Variants in TTPA observed in about 807,000 individuals in gnomAD.
TTPA encodes the protein alpha tocopherol transfer protein.
TTPA carries 23 observed loss-of-function variants against 25.9 expected under a neutral mutation model. The observed-to-expected ratio is 0.89, with a 90% CI of 0.64 to 1.26. The LOEUF (loss-of-function observed/expected upper bound fraction) is 1.26. TTPA is among the 50% of genes most tolerant of loss of function. The pLI, the probability that TTPA is intolerant of heterozygous loss-of-function variation, is 0.00. For missense variants in TTPA, 337 were observed against 353.1 expected (o/e 0.95, Z 0.37); for synonymous variants, 148 against 137.3 (o/e 1.08, Z -0.54).
chr8:63,078,530 T>C (rs1270949679), intron 1 of TTPA, among the ~76,000 whole-genome samples: 1 of 152,120 alleles, frequency 6.6e-6, no homozygotes, highest in African/African-American at 2.4e-5. Context: ...CACAAGAACT[T>C]TGTGATGCAC....
intron 1 of TTPA, among the ~76,000 whole-genome samples, chr8:63,082,725 A>T (rs540704837): frequency 2.7e-4 from 41 of 152,300 alleles, no homozygotes; most frequent in African/African-American, 9.9e-4. Context: ...ATGGGAGAAA[A>T]TTTTTGCAAT....
intron 1 of TTPA, among the ~76,000 whole-genome samples, chr8:63,084,634 T>C (rs59501260): frequency 0.017 from 2,597 of 152,316 alleles, 80 homozygotes; most frequent in African/African-American, 0.059. Flanking sequence ...GTGCAACCTC[T>C]GGCTGTTTAA....
chr8:63,072,209 T>C (rs7821895), intron 2 of TTPA, among the ~76,000 whole-genome samples: 10,229 of 152,096 alleles, frequency 0.067, 631 homozygotes, highest in African/African-American at 0.16. Flanking sequence ...GCAAACAGAG[T>C]AGATGAAATC....
chr8:63,068,451 G>C (rs1052949427), intron 2 of TTPA, among the ~76,000 whole-genome samples: 20 of 152,186 alleles, frequency 1.3e-4, no homozygotes, highest in African/African-American at 4.8e-4. Context: ...AGTGAAATAG[G>C]ACTAAATATG....
chr8:63,064,975 C>T (rs1277045314), intron 3 of TTPA, among the ~76,000 whole-genome samples: 1 of 152,114 alleles, frequency 6.6e-6, no homozygotes, highest in East Asian at 1.9e-4. Flanking sequence ...TTCTTTTAAA[C>T]ATAATTGCTA....
chr8:63,071,804 C>T (rs1334466575), intron 2 of TTPA, among the ~76,000 whole-genome samples: 1 of 152,158 alleles, frequency 6.6e-6, no homozygotes, highest in African/African-American at 2.4e-5. Context: ...AGCAGGCCCT[C>T]ACCAAACACC....
At chr8:63,078,580 G>C (rs780196481) in intron 1 of TTPA, among the ~76,000 whole-genome samples, 11 of 152,162 alleles carry the variant, frequency 7.2e-5, no homozygotes, top group Non-Finnish European at 1.5e-4. Context: ...GTGGAAAGAA[G>C]GGTATCAGTG....
At position 63,086,023 on chromosome 8, in the gene TTPA, C is replaced by A; in HGVS notation, c.-2G>T. The A allele has an allele frequency of 7.0e-7, 1 of 1,422,800 alleles. No homozygotes were observed. The highest frequency in any genetic ancestry group is 9.2e-7 in the Non-Finnish European group (1 of 1,090,020). The allele number at this position is 1,422,800 out of a possible 1,614,324, so 88.1% of individuals were successfully genotyped here. ...GGGCTGGGATCGCGCCTCTGCCATG[C>A]CCGCCGCCGCTGCTGCGGCCGCAGC... On this transcript the variant is annotated 5_prime_UTR_variant, in exon 1 of 5. Transcript: ENST00000260116.
intron 1 of TTPA, among the ~76,000 whole-genome samples, chr8:63,074,755 G>T (rs1304400512): frequency 6.6e-6 from 1 of 152,150 alleles, no homozygotes; most frequent in African/African-American, 2.4e-5. Context: ...GCTGGAAGCT[G>T]CACATTAGTA....
In TTPA at chr8:63,061,444, TTTAGAAGGAAACCGCA is replaced by T. The variant is rs746629810; in HGVS notation, c.664-35_664-20del. 1 of 1,613,038 alleles carries T rather than the reference TTTAGAAGGAAACCGCA, an allele frequency of 6.2e-7. No homozygotes were observed. Among genetic ancestry groups the T allele is most frequent in the African/African-American group, 1.3e-5 (1 of 75,034 alleles). On this transcript the variant is annotated intron_variant, in intron 4 of 4. Transcript: ENST00000260116. ...TGTGAATCTGAAATAGCCAAAACAC[TTTAGAAGGAAACCGCA>T]TTAGATGCATTTCCAGTGGAAAATC...
chr8:63,064,637 T>G (rs1406070390), intron 3 of TTPA, among the ~76,000 whole-genome samples: 1 of 152,182 alleles, frequency 6.6e-6, no homozygotes, highest in African/African-American at 2.4e-5. Context: ...ATTTGGAAAT[T>G]TATATTTAAC....
At position 63,061,082 on chromosome 8, in the gene TTPA, T is replaced by TA; in HGVS notation, c.*169dup. 1.5e-6 allele frequency: 1 copy of TA among 670,594 alleles called. No individual in the cohort carries two copies. The highest frequency in any genetic ancestry group is 2.5e-6 in the Non-Finnish European group (1 of 402,530). The allele number at this position is 670,594 out of a possible 1,614,324, so 41.5% of individuals were successfully genotyped here. A position where few individuals can be genotyped will look rare whatever the true frequency, so the allele number is the denominator to read the frequency against. ...AGTAGAGAAAAAAGCATTTAAAAAG[T>TA]AAAAAATCTTTCCAAACACCTGTGT... On this transcript the variant is annotated 3_prime_UTR_variant, in exon 5 of 5. Transcript: ENST00000260116.
At chr8:63,062,507 T>C (rs1428618292) in intron 4 of TTPA, among the ~76,000 whole-genome samples, 3 of 152,186 alleles carry the variant, frequency 2.0e-5, no homozygotes, top group African/African-American at 7.2e-5. Context: ...ACAAAGCCAA[T>C]CTTTAATTTT....
intron 2 of TTPA, 90 bp from the exon 3 acceptor site, chr8:63,066,187 G>T: frequency 7.7e-7 from 1 of 1,303,950 alleles, no homozygotes; most frequent in Non-Finnish European, 1.1e-6. Flanking sequence ...ATTCTTAAAA[G>T]ATCAGTTGAA....
At chr8:63,065,130 TAAAC>T (rs1228035550) in intron 3 of TTPA, among the ~76,000 whole-genome samples, 1 of 152,218 alleles carries the variant, frequency 6.6e-6, no homozygotes, top group African/African-American at 2.4e-5. Flanking sequence ...TCTGGACTAA[TAAAC>T]TATTTATTTT....
chr8:63,081,363 T>C (rs1805661176), intron 1 of TTPA, among the ~76,000 whole-genome samples: 1 of 152,030 alleles, frequency 6.6e-6, no homozygotes, highest in South Asian at 2.1e-4. Flanking sequence ...ATGTAATCCA[T>C]CAGATAAACA....
At chr8:63,085,237 A>T (rs1013284738) in intron 1 of TTPA, among the ~76,000 whole-genome samples, 35 of 152,348 alleles carry the variant, frequency 2.3e-4, no homozygotes, top group African/African-American at 7.9e-4. Context: ...AGTGAGCTGT[A>T]ACATACCAGA....
chr8:63,080,831 A>G (rs1353351446), intron 1 of TTPA, among the ~76,000 whole-genome samples: 1 of 151,822 alleles, frequency 6.6e-6, no homozygotes, highest in African/African-American at 2.4e-5. Context: ...CCGATCCCAC[A>G]AAATACAAAC....
At chr8:63,081,596 C>T (rs1805664675) in intron 1 of TTPA, among the ~76,000 whole-genome samples, 2 of 152,150 alleles carry the variant, frequency 1.3e-5, no homozygotes, top group South Asian at 4.1e-4. Context: ...CAAGGATGCC[C>T]TCTCTCACCA....
Sources: allele counts gnomAD v4.1 joint callset (sites outside exome capture counted in the v4.1 genomes callset), GRCh38; gene constraint gnomAD v4.1.1; transcripts MANE v1.5; gene names NCBI Gene and HGNC (gene_info 2026-07-23, HGNC 2026-07-21).